Variants in LIMA1 observed in about 807,000 individuals in gnomAD.
LIMA1 encodes LIM domain and actin-binding protein 1.
A neutral mutation model predicts 62.6 loss-of-function variants in LIMA1; 52 were observed. The ratio of observed to expected loss-of-function variants is 0.83; its 90% CI spans 0.67 to 1.05. The LOEUF (loss-of-function observed/expected upper bound fraction) is 1.05. Ranked by LOEUF, LIMA1 falls within the 50% of genes least tolerant of loss-of-function variation. The pLI, the probability that LIMA1 is intolerant of heterozygous loss-of-function variation, is 0.00. For missense variants in LIMA1, 780 were observed against 902.2 expected (o/e 0.86, Z 1.74); for synonymous variants, 302 against 317.8 (o/e 0.95, Z 0.53).
chr12:50,178,505 C>T (rs949232181), intron 10 of LIMA1, among the ~76,000 whole-genome samples: 6 of 150,640 alleles, frequency 4.0e-5, no homozygotes, highest in Non-Finnish European at 8.8e-5. Context: ...TGAGATTGTG[C>T]CACTGTGATA....
intron 2 of LIMA1, among the ~76,000 whole-genome samples, chr12:50,235,347 C>T (rs1941676997): frequency 6.9e-6 from 1 of 144,520 alleles, no homozygotes; most frequent in Admixed American, 7.2e-5. Flanking sequence ...GGTGTAATCT[C>T]GGCTCACTGC....
intron 1 of LIMA1, among the ~76,000 whole-genome samples, chr12:50,278,799 CA>C (rs1165838779): frequency 2.0e-5 from 3 of 151,332 alleles, no homozygotes; most frequent in African/African-American, 7.3e-5. Flanking sequence ...TAATATAAAG[CA>C]AAAAAAGCAG....
chr12:50,245,389 G>A (rs1489954392), intron 2 of LIMA1, among the ~76,000 whole-genome samples: 1 of 150,598 alleles, frequency 6.6e-6, no homozygotes, highest in Non-Finnish European at 1.5e-5. Context: ...CTCTAGCCTG[G>A]GCGACAGAGT....
rs534499748 is a variant in LIMA1, at chr12:50,277,378, C to T, written c.-24+6042G>A. On this transcript the variant is annotated intron_variant, in intron 1 of 10. Coordinates refer to ENST00000341247, the MANE Select transcript of LIMA1 (RefSeq NM_016357.5). ...ACTGCCTTTACTGCATCCAGTCTTT[C>T]CTCAGGCTCTATATATCTAAAATTA... Among the ~76,000 whole-genome samples the T allele has an allele frequency of 1.8e-4, 27 of 152,184 alleles. No individual in the cohort carries two copies. The East Asian group carries it at 3.9e-3, about 22-fold the overall frequency.
intron 6 of LIMA1, chr12:50,201,617 C>G (rs1941052327): frequency 1.2e-6 from 1 of 819,500 alleles, no homozygotes; most frequent in Non-Finnish European, 1.5e-6. Context: ...AACATAGAAC[C>G]TGGGTGCAGT....
intron 9 of LIMA1, among the ~76,000 whole-genome samples, chr12:50,191,596 C>T (rs902053562): frequency 1.3e-5 from 2 of 151,940 alleles, no homozygotes; most frequent in Admixed American, 6.6e-5. Flanking sequence ...CCAAGGCAGG[C>T]GGATCACGAG....
At position 50,222,240 on chromosome 12, in the gene LIMA1, G is replaced by C; in HGVS notation, c.411C>G (p.Leu137=). ...TGATGTGGGGATATCGACCCTGAACGAGGGCTTCAGGAGGTGACCTGAGTC... is the reference window on the plus strand; with the variant it reads ...TGATGTGGGGATATCGACCCTGAACCAGGGCTTCAGGAGGTGACCTGAGTC... ...RSRLRSPPEA[L]VQGRYPHIKD... Residue 137 remains leucine, a synonymous_variant, in exon 4 of 11, where the codon CTC becomes CTG. Transcript: ENST00000341247. The C allele has an allele frequency of 1.2e-6, 2 of 1,614,128 alleles. No homozygotes were observed.
rs779559549 is a variant in LIMA1, at chr12:50,200,772, C to A, written c.972+5G>T. On this transcript the variant is annotated splice_donor_5th_base_variant and intron_variant, in intron 7 of 10. Transcript: ENST00000341247. ...GGCAACTGGACATCAGACTTTTCAA[C>A]CTACCTTTTCCCCTTCCTGATGGGT... The A allele has an allele frequency of 1.2e-6, 2 of 1,613,674 alleles. No homozygotes were observed. The highest frequency in any genetic ancestry group is 2.2e-5 in the South Asian group (2 of 91,062).
rs569397635 is a variant in LIMA1, at chr12:50,235,042, C to G, written c.120-3332G>C. Among the ~76,000 whole-genome samples the G allele has an allele frequency of 2.6e-5, 4 of 152,158 alleles. No individual in the cohort carries two copies. In the South Asian group the frequency reaches 8.3e-4, roughly 32 times the overall value. ...TGACCTCCAGGACTCAAGCAATTCT[C>G]CTACCTCAGCCTTGCAAGAAGCTGG... On this transcript the variant is annotated intron_variant, in intron 2 of 10. Coordinates refer to ENST00000341247, the MANE Select transcript of LIMA1 (RefSeq NM_016357.5).
intron 9 of LIMA1, 35 bp from the exon 10 acceptor site, chr12:50,182,072 A>G (rs1157377648): frequency 6.2e-7 from 1 of 1,611,860 alleles, no homozygotes; most frequent in South Asian, 1.1e-5. Flanking sequence ...TAGCATGGGC[A>G]GCGATGAGTT....
At chr12:50,179,996 C>T (rs1940458653) in intron 10 of LIMA1, among the ~76,000 whole-genome samples, 2 of 151,488 alleles carry the variant, frequency 1.3e-5, no homozygotes, top group South Asian at 4.2e-4. Flanking sequence ...GAAACCCCAT[C>T]TCTACTAAGA....
intron 1 of LIMA1, among the ~76,000 whole-genome samples, chr12:50,250,563 C>CAAAAA (rs754126420): frequency 2.9e-5 from 1 of 33,900 alleles, no homozygotes; most frequent in Non-Finnish European, 7.4e-5. Context: ...AAGATGTTCT[C>CAAAAA]AAAAAAAAAA....
At chr12:50,221,196 G>C (rs1030574700) in intron 4 of LIMA1, among the ~76,000 whole-genome samples, 3 of 152,028 alleles carry the variant, frequency 2.0e-5, no homozygotes, top group African/African-American at 7.3e-5. Flanking sequence ...AGATGGTTTT[G>C]CTCCCCATCA....
chr12:50,215,630 C>T (rs971440155), intron 4 of LIMA1, among the ~76,000 whole-genome samples: 9 of 152,008 alleles, frequency 5.9e-5, no homozygotes, highest in African/African-American at 1.4e-4. Context: ...CCACCACGCC[C>T]GGCTAATTTT....
At chr12:50,231,556 A>G in intron 3 of LIMA1, 109 bp downstream of exon 3, 3 of 965,672 alleles carry the variant, frequency 3.1e-6, no homozygotes, top group Non-Finnish European at 5.0e-6. Flanking sequence ...GCTGGCACAA[A>G]TGTCCACTCA....
rs577308413 is a variant in LIMA1, at chr12:50,241,933, A to ATTTTTTTT, written c.119+6692_119+6699dup. Among the ~76,000 whole-genome samples the ATTTTTTTT allele has an allele frequency of 2.8e-3, 103 of 36,434 alleles. 25 individuals are homozygous for ATTTTTTTT. The highest frequency in any genetic ancestry group is 4.0e-3 in the Non-Finnish European group (80 of 20,246). The allele number at this position is 36,434 out of a possible 152,430, so 23.9% of individuals were successfully genotyped here. ...AATTTTGTTCCTCTTTCCTTCCCAG[A>ATTTTTTTT]TTTTTTTTTTTTTTTTTTTTTTTTT... On this transcript the variant is annotated intron_variant, in intron 2 of 10. Coordinates refer to ENST00000341247, the MANE Select transcript of LIMA1 (RefSeq NM_016357.5).
intron 2 of LIMA1, among the ~76,000 whole-genome samples, chr12:50,247,075 G>A (rs1941860339): frequency 6.6e-6 from 1 of 152,098 alleles, no homozygotes; most frequent in South Asian, 2.1e-4. Flanking sequence ...GTTTGAGGCT[G>A]CACTGAGCTG....
intron 8 of LIMA1, among the ~76,000 whole-genome samples, chr12:50,195,217 TAA>T (rs534608421): frequency 2.4e-4 from 37 of 151,680 alleles, no homozygotes; most frequent in Admixed American, 1.3e-3. Context: ...AAATGAAAAT[TAA>T]AAGTTATACT....
In LIMA1 at chr12:50,177,499, G is replaced by T; in HGVS notation, c.1845C>A (p.Gly615=). ...PKTVSPPIRK[G]WSMSEQSEES... ...CTTCACTCTGCTCTGACATGCTCCA[G>T]CCTTTCCTGATAGGTGGGGACACAG... Residue 615 remains glycine (G), a synonymous_variant, in exon 11 of 11, where the codon GGC becomes GGA. Transcript: ENST00000341247. 1.9e-6 allele frequency: 3 copies of T among 1,613,110 alleles called. No homozygotes were observed. Among genetic ancestry groups the T allele is most frequent in the Non-Finnish European group, 2.5e-6 (3 of 1,179,634 alleles).
Sources: gnomAD v4.1 joint callset for allele counts (sites outside exome capture counted in the v4.1 genomes callset) on GRCh38, gnomAD v4.1.1 for gene constraint, MANE v1.5 for transcripts, NCBI Gene and HGNC (gene_info 2026-07-23, HGNC 2026-07-21) for gene names.